Variants in NCALD observed in about 807,000 individuals in gnomAD.
NCALD encodes the protein neurocalcin-delta.
Under a neutral mutation model 18.6 loss-of-function variants are expected in NCALD, and 10 were observed. The observed-to-expected ratio is 0.54, with a 90% CI of 0.33 to 0.91. NCALD has a LOEUF of 0.91. Among genes scored for constraint, NCALD ranks in the 40% least tolerant of loss-of-function variants. NCALD has a pLI of 0.03. For missense variants in NCALD, 184 were observed against 247.6 expected (o/e 0.74, Z 1.72); for synonymous variants, 88 against 87.4 (o/e 1.01, Z -0.04).
intron 1 of NCALD, among the ~76,000 whole-genome samples, chr8:102,081,278 C>T (rs908120967): frequency 6.6e-6 from 1 of 152,026 alleles, no homozygotes; most frequent in Admixed American, 6.5e-5. Flanking sequence ...AATCACATGA[C>T]CACAATATAA....
chr8:101,691,894 T>C, intron 3 of NCALD: 1 of 985,326 alleles, frequency 1.0e-6, no homozygotes, highest in Non-Finnish European at 1.2e-6. Context: ...TCTGAACAGA[T>C]CGGGTGAGCT....
At chr8:101,842,083 T>C (rs997481076) in intron 4 of NCALD, among the ~76,000 whole-genome samples, 3 of 152,216 alleles carry the variant, frequency 2.0e-5, no homozygotes, top group African/African-American at 7.2e-5. Flanking sequence ...CTGAGGTCTC[T>C]TTCCCTTGGC....
rs1327565005 is a variant in NCALD, at chr8:101,804,615, T to TAATATATAATTAATATAATTAACTATTA, written c.-20+82498_-20+82525dup. Among the ~76,000 whole-genome samples the TAATATATAATTAATATAATTAACTATTA allele has an allele frequency of 9.8e-4, 129 of 131,080 alleles. 1 individual carries two copies. The highest frequency in any genetic ancestry group is 3.6e-3 in the African/African-American group (125 of 34,554). 86.0% of individuals were successfully genotyped at this position (131,080 alleles called of 152,430 possible). On this transcript the variant is annotated intron_variant, in intron 4 of 6. Coordinates refer to the NCALD transcript ENST00000311028. ...TATATAATTAATATAATTAATTATA[T>TAATATATAATTAATATAATTAACTATTA]AATATATAATTAATATAATTAACTA...
rs150198279 is a variant in NCALD at position 101,940,148 on chromosome 8, TGAGAA to T, written c.-156-24295_-156-24291del. On this transcript the variant is annotated intron_variant, in intron 2 of 6. Coordinates refer to the NCALD transcript ENST00000311028. Reference sequence around the variant, plus strand: ...GTGAATTTTGTTCCATTTGCAATCTTGAGAAGAGGAGTACCTAGAAGAATATTCTG... The same window carrying T: ...GTGAATTTTGTTCCATTTGCAATCTTGAGGAGTACCTAGAAGAATATTCTG... Among the ~76,000 whole-genome samples, 840 of 152,328 alleles carry T rather than the reference TGAGAA, an allele frequency of 5.5e-3. 4 individuals carry two copies. Among genetic ancestry groups the T allele is most frequent in the Non-Finnish European group, 6.7e-3 (459 of 68,018 alleles).
At chr8:101,872,665 T>A (rs1295553671) in intron 4 of NCALD, 2 of 379,332 alleles carry the variant, frequency 5.3e-6, no homozygotes, top group Non-Finnish European at 9.9e-6. Context: ...CAATCAAATC[T>A]ATACCATGAT....
chr8:101,758,509 T>C (rs1169845329), intron 1 of NCALD, among the ~76,000 whole-genome samples: 1 of 152,216 alleles, frequency 6.6e-6, no homozygotes, highest in Non-Finnish European at 1.5e-5. Flanking sequence ...ATAAAAGCTA[T>C]GTATTAATTC....
chr8:101,983,401 C>T (rs1434124501), intron 2 of NCALD, among the ~76,000 whole-genome samples: 2 of 152,202 alleles, frequency 1.3e-5, no homozygotes, highest in Non-Finnish European at 2.9e-5. Flanking sequence ...TGGCCTGAAG[C>T]AAGCCAGAAA....
intron 2 of NCALD, among the ~76,000 whole-genome samples, chr8:101,702,401 A>G (rs983250706): frequency 4.0e-5 from 6 of 150,998 alleles, no homozygotes; most frequent in Non-Finnish European, 8.9e-5. Context: ...ACACTGGGTA[A>G]TTTTTTTTTG....
At chr8:101,999,503 C>T (rs1230839149) in intron 2 of NCALD, among the ~76,000 whole-genome samples, 1 of 152,074 alleles carries the variant, frequency 6.6e-6, no homozygotes, top group East Asian at 1.9e-4. Context: ...ATACAATGGA[C>T]TTTGGGGACT....
chr8:102,080,436 C>A (rs1444355405), intron 1 of NCALD, among the ~76,000 whole-genome samples: 2 of 152,200 alleles, frequency 1.3e-5, no homozygotes, highest in African/African-American at 4.8e-5. Context: ...AAGTATTTTA[C>A]TGCAGATTTT....
intron 4 of NCALD, among the ~76,000 whole-genome samples, chr8:101,861,704 C>G (rs919361559): frequency 6.6e-6 from 1 of 152,046 alleles, no homozygotes; most frequent in African/African-American, 2.4e-5. Context: ...AAAAGATAAC[C>G]TTAGGTTTCT....
At chr8:102,113,710 A>C (rs908918578) in intron 1 of NCALD, among the ~76,000 whole-genome samples, 1 of 152,196 alleles carries the variant, frequency 6.6e-6, no homozygotes, top group Admixed American at 6.5e-5. Flanking sequence ...TTTCACTCTC[A>C]AAAATGTCCC....
intron 3 of NCALD, among the ~76,000 whole-genome samples, chr8:101,908,319 G>A (rs957458064): frequency 2.0e-5 from 3 of 152,114 alleles, no homozygotes; most frequent in Non-Finnish European, 4.4e-5. Context: ...CCAGTTTTAT[G>A]TGCTTGGGAG....
chr8:101,922,347 G>A (rs1219119184), intron 2 of NCALD, among the ~76,000 whole-genome samples: 1 of 152,162 alleles, frequency 6.6e-6, no homozygotes, highest in Non-Finnish European at 1.5e-5. Context: ...ACAACTGGGT[G>A]AGACCAAGAG....
At chr8:102,088,587 C>T (rs1438204494) in intron 1 of NCALD, among the ~76,000 whole-genome samples, 6 of 151,624 alleles carry the variant, frequency 4.0e-5, no homozygotes, top group African/African-American at 1.5e-4. Context: ...CTCTGTTTTC[C>T]TCATGGAACC....
chr8:101,692,982 G>A, intron 2 of NCALD, 86 bp from the exon 3 acceptor site: 1 of 952,376 alleles, frequency 1.1e-6, no homozygotes, highest in Non-Finnish European at 1.7e-6. Context: ...AATGCGGGCT[G>A]AAGGGAATGT....
chr8:101,728,641 A>C (rs532244431), intron 1 of NCALD, among the ~76,000 whole-genome samples: 1 of 152,314 alleles, frequency 6.6e-6, no homozygotes, highest in Admixed American at 6.5e-5. Context: ...TAACACGGTG[A>C]AACCCCATCT....
At chr8:101,706,408 A>G in intron 2 of NCALD, among the ~76,000 whole-genome samples, 1 of 152,180 alleles carries the variant, frequency 6.6e-6, no homozygotes, top group Admixed American at 6.5e-5. Context: ...ATCTTAATAG[A>G]GAGGTCCATT....
chr8:102,084,316 C>A (rs1376227419), intron 1 of NCALD, among the ~76,000 whole-genome samples: 2 of 152,208 alleles, frequency 1.3e-5, no homozygotes, highest in African/African-American at 4.8e-5. Flanking sequence ...CTTCTTGCCT[C>A]TTCAGAAGAA....
Sources: gnomAD v4.1 joint callset for allele counts (sites outside exome capture counted in the v4.1 genomes callset) on GRCh38, gnomAD v4.1.1 for gene constraint, MANE v1.5 for transcripts, NCBI Gene and HGNC (gene_info 2026-07-23, HGNC 2026-07-21) for gene names.